Variants in LIMCH1 observed in about 807,000 individuals in gnomAD.
LIMCH1 encodes the protein LIM and calponin homology domains-containing protein 1.
Under a neutral mutation model 176.5 loss-of-function variants are expected in LIMCH1, and 113 were observed. That is an observed-to-expected ratio of 0.64 (90% CI 0.55 to 0.75). The LOEUF (loss-of-function observed/expected upper bound fraction) is 0.75, where lower values mean the gene tolerates loss of function less well. Ranked by LOEUF, LIMCH1 falls within the 30% of genes least tolerant of loss-of-function variation. The probability of loss-of-function intolerance (pLI) is 0.00; values close to 1 mark genes in which losing one functional copy is unlikely to be tolerated. For missense variants in LIMCH1, 1,674 were observed against 1,814.9 expected, an observed-to-expected ratio of 0.92 and a Z score of 1.41; for synonymous variants, 619 against 645.9, an observed-to-expected ratio of 0.96 and a Z score of 0.63.
At chr4:41,395,222 G>A (rs952070864) in intron 1 of LIMCH1, among the ~76,000 whole-genome samples, 1 of 149,460 alleles carries the variant, frequency 6.7e-6, no homozygotes, top group South Asian at 2.1e-4. Context: ...TAGACTAGTA[G>A]AAGTTAATTT....
chr4:41,422,226 A>C (rs192847992), intron 1 of LIMCH1, among the ~76,000 whole-genome samples: 13 of 152,110 alleles, frequency 8.5e-5, no homozygotes, highest in African/African-American at 2.9e-4. Flanking sequence ...TATTTTATTT[A>C]TTTATTTTTT....
chr4:41,517,486 T>C (rs1353638729), intron 2 of LIMCH1, among the ~76,000 whole-genome samples: 4 of 152,184 alleles, frequency 2.6e-5, no homozygotes, highest in Non-Finnish European at 4.4e-5. Context: ...CTAAAGCTCC[T>C]ATGATCTCTT....
chr4:41,668,328 G>A (rs1486438184), intron 21 of LIMCH1, among the ~76,000 whole-genome samples: 6 of 152,178 alleles, frequency 3.9e-5, no homozygotes, highest in East Asian at 3.8e-4. Flanking sequence ...AAATTTGTCC[G>A]TCCTACTGTC....
chr4:41,584,743 G>A (rs542954994), intron 1 of LIMCH1, among the ~76,000 whole-genome samples: 36 of 152,216 alleles, frequency 2.4e-4, no homozygotes, highest in African/African-American at 8.4e-4. Flanking sequence ...ATTTTTAGGT[G>A]TACAGTTTAG....
intron 25 of LIMCH1, among the ~76,000 whole-genome samples, chr4:41,681,479 A>G (rs527466322): frequency 2.6e-5 from 4 of 152,276 alleles, no homozygotes; most frequent in South Asian, 2.1e-4. Context: ...AAAGATGTCA[A>G]TAACATGTTC....
chr4:41,456,415 C>A (rs1317176635), intron 1 of LIMCH1, among the ~76,000 whole-genome samples: 1 of 152,070 alleles, frequency 6.6e-6, no homozygotes, highest in Non-Finnish European at 1.5e-5. Context: ...CTGGGTACAC[C>A]AAGTAATATG....
intron 4 of LIMCH1, chr4:41,612,765 G>A (rs2091585835): frequency 2.7e-6 from 2 of 751,872 alleles, no homozygotes; most frequent in Non-Finnish European, 4.3e-6. Flanking sequence ...AGCTCCCCCA[G>A]CGCCAAGAGC....
chr4:41,490,543 C>T (rs2070611688), intron 1 of LIMCH1, among the ~76,000 whole-genome samples: 1 of 152,150 alleles, frequency 6.6e-6, no homozygotes, highest in South Asian at 2.1e-4. Flanking sequence ...TGCCCTTAAA[C>T]CATTTAACCC....
chr4:41,450,798 CAAAA>C (rs760652470), intron 1 of LIMCH1, among the ~76,000 whole-genome samples: 1 of 50,662 alleles, frequency 2.0e-5, no homozygotes. Flanking sequence ...CTCTCTCTCT[CAAAA>C]AAAAAAAAAA....
rs913239760 is a variant in LIMCH1, at chr4:41,631,490, A to G, written c.1601+13A>G. On this transcript the variant is annotated intron_variant, in intron 10 of 31. Transcript: ENST00000503057. ...AAAATGACTGCAGGTATTTTTTGCC[A>G]TACGTGTGCAAGGATATCTGCATGG... is the stretch of plus-strand genomic sequence containing the variant. 1.3e-5 allele frequency: 19 copies of G among 1,493,626 alleles called. No individual in the cohort carries two copies. The highest frequency in any genetic ancestry group is 3.5e-4 in the Middle Eastern group (2 of 5,774). The allele number at this position is 1,493,626 out of a possible 1,614,324, so 92.5% of individuals were successfully genotyped here.
intron 3 of LIMCH1, among the ~76,000 whole-genome samples, chr4:41,529,618 C>T (rs914786146): frequency 5.9e-5 from 9 of 152,254 alleles, no homozygotes; most frequent in African/African-American, 1.4e-4. Context: ...AGATGGATCC[C>T]GAGCCCTGGC....
intron 18 of LIMCH1, 40 bp from the exon 19 acceptor site, chr4:41,661,379 AG>A (rs2094611095): frequency 7.3e-7 from 1 of 1,375,298 alleles, no homozygotes; most frequent in Non-Finnish European, 1.0e-6. Flanking sequence ...GAACTTTTAA[AG>A]GAATCATTTA....
chr4:41,665,832 G>T (rs2094803238), intron 20 of LIMCH1, among the ~76,000 whole-genome samples: 1 of 152,106 alleles, frequency 6.6e-6, no homozygotes, highest in African/African-American at 2.4e-5. Flanking sequence ...TTCTACTAAA[G>T]GTCATTCATA....
chr4:41,523,352 A>T (rs2076309564), intron 2 of LIMCH1, among the ~76,000 whole-genome samples: 1 of 152,212 alleles, frequency 6.6e-6, no homozygotes, highest in Non-Finnish European at 1.5e-5. Flanking sequence ...GTAGCACAAA[A>T]GTAGCCATAG....
At position 41,633,627 on chromosome 4, in the gene LIMCH1, G is replaced by C. The variant is rs1193116288; in HGVS notation, c.1909G>C (p.Gly637Arg). Reference sequence around the variant, plus strand: ...GAAGATGACAGCTCCTGCCTGGAGTGGCAGTGGACTGAAAGGCCAGCGAAA... The same window carrying C: ...GAAGATGACAGCTCCTGCCTGGAGTCGCAGTGGACTGAAAGGCCAGCGAAA... ...LEKMTAPAWS[G>R]SGLKGQRKLD... Residue 637 changes from glycine (G) to arginine (R), a missense_variant, in exon 13 of 32, where the codon GGC (glycine) becomes CGC (arginine). Coordinates refer to ENST00000503057, the MANE Select transcript of LIMCH1 (RefSeq NM_001330672.2). The C allele has an allele frequency of 3.3e-6, 5 of 1,536,070 alleles. No homozygotes were observed. Among genetic ancestry groups the C allele is most frequent in the Non-Finnish European group, 4.4e-6 (5 of 1,146,936 alleles).
At chr4:41,677,123 A>T (rs144031672) in intron 23 of LIMCH1, among the ~76,000 whole-genome samples, 6,099 of 151,510 alleles carry the variant, frequency 0.04, 235 homozygotes, top group African/African-American at 0.1. Context: ...AGATCATGCC[A>T]CTGTACTCCA....
At chr4:41,542,918 G>A (rs2078863998) in intron 1 of LIMCH1, among the ~76,000 whole-genome samples, 1 of 152,192 alleles carries the variant, frequency 6.6e-6, no homozygotes, top group Admixed American at 6.5e-5. Context: ...TATTTTTAAA[G>A]CATTATCTGT....
chr4:41,367,706 A>AAT (rs2053274264), intron 1 of LIMCH1, among the ~76,000 whole-genome samples: 1 of 140,688 alleles, frequency 7.1e-6, no homozygotes, highest in Non-Finnish European at 1.5e-5. Context: ...AAAAAAAAAA[A>AAT]GGAAAGAAAA....
intron 1 of LIMCH1, among the ~76,000 whole-genome samples, chr4:41,369,944 G>GTGTGTGTGTGA (rs1301380076): frequency 7.5e-6 from 1 of 132,744 alleles, no homozygotes; most frequent in East Asian, 2.5e-4. Flanking sequence ...AGCAAAGTGT[G>GTGTGTGTGTGA]TGTGTGTGTG....
Sources: allele counts gnomAD v4.1 joint callset (sites outside exome capture counted in the v4.1 genomes callset), GRCh38; gene constraint gnomAD v4.1.1; transcripts MANE v1.5; gene names NCBI Gene and HGNC (gene_info 2026-07-23, HGNC 2026-07-21).